Variants in WDFY1 observed in about 807,000 individuals in gnomAD.
WDFY1 encodes WD repeat and FYVE domain-containing protein 1.
Under a neutral mutation model 56.4 loss-of-function variants are expected in WDFY1, and 32 were observed. That is an observed-to-expected ratio of 0.57 (90% confidence interval 0.43 to 0.76). The LOEUF (loss-of-function observed/expected upper bound fraction) is 0.76. WDFY1 is among the 30% of genes least tolerant of loss of function. WDFY1 has a pLI of 0.00. For missense variants in WDFY1, 480 were observed against 545.7 expected (o/e 0.88, Z 1.20); for synonymous variants, 192 against 197.3 (o/e 0.97, Z 0.23).
At chr2:223,890,510 ACCCC>A (rs1693250872) in intron 8 of WDFY1, among the ~76,000 whole-genome samples, 1 of 152,208 alleles carries the variant, frequency 6.6e-6, no homozygotes, top group East Asian at 1.9e-4. Flanking sequence ...TATAAGAGAT[ACCCC>A]TAACTTTATT....
intron 2 of WDFY1, 40 bp downstream of exon 2, chr2:223,917,903 T>C: frequency 6.2e-7 from 1 of 1,608,974 alleles, no homozygotes; most frequent in Non-Finnish European, 8.5e-7. Flanking sequence ...TCAAAAACAT[T>C]AGAGACATTT....
chr2:223,914,791 A>C (rs1177926529), intron 2 of WDFY1, among the ~76,000 whole-genome samples: 1 of 152,194 alleles, frequency 6.6e-6, no homozygotes, highest in East Asian at 1.9e-4. Flanking sequence ...TATATTACCA[A>C]AAAAAGGCAT....
rs1323699044 is a variant in WDFY1, at chr2:223,880,226, A to C, written c.1071T>G (p.Thr357=). Residue 357 remains threonine, a synonymous_variant, in exon 11 of 12, where the codon ACT becomes ACG. Transcript: ENST00000233055. The stretch of plus-strand genomic sequence containing the variant: ...TTCCTTCATGAAAGGTCGCTAGAGA[A>C]GTCCGACTAACAAGAGAAAAGAGAT... ...CYDSIKDEDR[T]SLATFHEGKH... is the part of the protein sequence containing the mutation. The C allele has an allele frequency of 6.2e-7, 1 of 1,613,952 alleles. No individual in the cohort carries two copies. Among genetic ancestry groups the C allele is most frequent in the African/African-American group, 1.3e-5 (1 of 75,022 alleles).
At chr2:223,935,031 C>T (rs945209437) in intron 1 of WDFY1, among the ~76,000 whole-genome samples, 1 of 152,034 alleles carries the variant, frequency 6.6e-6, no homozygotes, top group Non-Finnish European at 1.5e-5. Context: ...AAGAGGGTTT[C>T]GGCGAGGGAA....
intron 1 of WDFY1, among the ~76,000 whole-genome samples, chr2:223,938,898 A>C (rs955896539): frequency 7.0e-6 from 1 of 143,694 alleles, no homozygotes; most frequent in African/African-American, 2.6e-5. Context: ...TCTGTCACCC[A>C]GGCTGGAGTG....
intron 1 of WDFY1, among the ~76,000 whole-genome samples, chr2:223,920,514 T>C (rs1427714629): frequency 6.6e-6 from 1 of 152,324 alleles, no homozygotes; most frequent in East Asian, 1.9e-4. Context: ...GAAAGAGACA[T>C]GGGTTGCTGC....
At chr2:223,937,286 TAC>T (rs766328685) in intron 1 of WDFY1, among the ~76,000 whole-genome samples, 12 of 152,182 alleles carry the variant, frequency 7.9e-5, no homozygotes, top group Admixed American at 3.3e-4. Context: ...CAAACATGCA[TAC>T]AAAGTAGAAA....
intron 1 of WDFY1, among the ~76,000 whole-genome samples, chr2:223,924,242 A>G (rs1348358288): frequency 2.6e-5 from 4 of 152,184 alleles, no homozygotes; most frequent in Non-Finnish European, 2.9e-5. Flanking sequence ...TCTCCTCTGC[A>G]CTTTTAGAGA....
chr2:223,918,760 G>A (rs1413119058), intron 1 of WDFY1, among the ~76,000 whole-genome samples: 1 of 152,190 alleles, frequency 6.6e-6, no homozygotes, highest in African/African-American at 2.4e-5. Flanking sequence ...CCGAGAGGAA[G>A]GCGGTGGCTG....
intron 3 of WDFY1, among the ~76,000 whole-genome samples, chr2:223,906,558 A>G (rs1293582173): frequency 6.6e-6 from 1 of 152,138 alleles, no homozygotes; most frequent in Non-Finnish European, 1.5e-5. Context: ...TTATTTATTT[A>G]GAGACAGAGT....
chr2:223,940,471 T>C (rs762825821), intron 1 of WDFY1, among the ~76,000 whole-genome samples: 6 of 152,058 alleles, frequency 3.9e-5, no homozygotes, highest in African/African-American at 7.2e-5. Flanking sequence ...AGTGTGAGGA[T>C]TGGATCCAAT....
At chr2:223,893,070 T>C (rs542240079) in intron 8 of WDFY1, among the ~76,000 whole-genome samples, 37 of 152,306 alleles carry the variant, frequency 2.4e-4, no homozygotes, top group Admixed American at 6.5e-4. Context: ...GAAACCTTGA[T>C]TGGAAATCAT....
chr2:223,926,429 C>A (rs1411132787), intron 1 of WDFY1, among the ~76,000 whole-genome samples: 1 of 152,120 alleles, frequency 6.6e-6, no homozygotes, highest in Non-Finnish European at 1.5e-5. Context: ...GTATGCCCAG[C>A]AAAAGTGTAT....
At chr2:223,935,768 G>A (rs1474433988) in intron 1 of WDFY1, among the ~76,000 whole-genome samples, 2 of 152,244 alleles carry the variant, frequency 1.3e-5, no homozygotes, top group African/African-American at 4.8e-5. Context: ...TATACTAGGA[G>A]TGTTGAAGGA....
chr2:223,885,565 G>T (rs1270834021), intron 8 of WDFY1, among the ~76,000 whole-genome samples: 1 of 152,146 alleles, frequency 6.6e-6, no homozygotes, highest in African/African-American at 2.4e-5. Context: ...GTAATCTATA[G>T]ATAGGAGGGA....
intron 1 of WDFY1, among the ~76,000 whole-genome samples, chr2:223,937,464 T>TA (rs1689211816): frequency 1.3e-5 from 2 of 152,210 alleles, no homozygotes; most frequent in African/African-American, 4.8e-5. Flanking sequence ...AACACTTGCA[T>TA]AATGTTTTCT....
intron 3 of WDFY1, among the ~76,000 whole-genome samples, chr2:223,907,688 A>G (rs2106086300): frequency 6.6e-6 from 1 of 152,298 alleles, no homozygotes; most frequent in Non-Finnish European, 1.5e-5. Context: ...ATATTCCTAT[A>G]AAATTTTCTG....
At chr2:223,940,642 TTTC>T (rs1319070328) in intron 1 of WDFY1, among the ~76,000 whole-genome samples, 5 of 131,568 alleles carry the variant, frequency 3.8e-5, no homozygotes, top group Non-Finnish European at 7.1e-5. Context: ...TCCTTATTTC[TTTC>T]TTTTTTTTTT....
Position 223,878,576 on chromosome 2 carries a change from T to C in WDFY1, c.*95A>G, listed in dbSNP as rs1693009988. The C allele has an allele frequency of 2.3e-6, 2 of 883,184 alleles. No homozygotes were observed. Among genetic ancestry groups the C allele is most frequent in the South Asian group, 1.5e-5 (1 of 67,606 alleles). The allele number at this position is 883,184 out of a possible 1,614,324, so 54.7% of individuals were successfully genotyped here. A position where few individuals can be genotyped will look rare whatever the true frequency, so the allele number is the denominator to read the frequency against. ...TGTTGATTTGTTTGTAAGTGGCTAC[T>C]GTCCATTCACGAGACAGCGCTGTGG... On this transcript the variant is annotated 3_prime_UTR_variant, in exon 12 of 12. Coordinates refer to ENST00000233055, the MANE Select transcript of WDFY1 (RefSeq NM_020830.5).
Sources: gnomAD v4.1 joint callset for allele counts (sites outside exome capture counted in the v4.1 genomes callset) on GRCh38, gnomAD v4.1.1 for gene constraint, MANE v1.5 for transcripts, NCBI Gene and HGNC (gene_info 2026-07-23, HGNC 2026-07-21) for gene names.